The following PLCB4 variants were observed in gnomAD, a reference collection of about 807,000 sequenced individuals.
PLCB4 encodes phospholipase C beta 4, also known as 1-phosphatidylinositol 4,5-bisphosphate phosphodiesterase beta-4.
PLCB4 carries 77 observed loss-of-function variants against 178.8 expected under a neutral mutation model. That is an observed-to-expected ratio of 0.43 (90% CI 0.36 to 0.52). PLCB4 has a LOEUF of 0.52. Among genes scored for constraint, PLCB4 ranks in the 20% least tolerant of loss-of-function variants. The pLI, the probability that PLCB4 is intolerant of heterozygous loss-of-function variation, is 0.00. For missense variants in PLCB4, 1,024 were observed against 1,453.4 expected (o/e 0.70, Z 4.80); for synonymous variants, 496 against 490.8 (o/e 1.01, Z -0.14).
chr20:9,385,428 G>A (rs373637040), intron 14 of PLCB4, among the ~76,000 whole-genome samples: 217 of 151,508 alleles, frequency 1.4e-3, no homozygotes, highest in East Asian at 4.3e-3. Context: ...CCTCCCAGAC[G>A]GGGCGGCCGG....
intron 35 of PLCB4, among the ~76,000 whole-genome samples, chr20:9,465,453 G>A (rs1004825095): frequency 6.6e-6 from 1 of 152,186 alleles, no homozygotes; most frequent in Non-Finnish European, 1.5e-5. Context: ...GCAAGAGAAA[G>A]AAATAAAGGG....
At chr20:9,215,545 A>G (rs1238543276) in intron 2 of PLCB4, among the ~76,000 whole-genome samples, 2 of 152,224 alleles carry the variant, frequency 1.3e-5, no homozygotes, top group Non-Finnish European at 2.9e-5. Flanking sequence ...AAGTCAGGGT[A>G]CATGATGCTG....
chr20:9,420,941 A>G (rs1160483607), intron 26 of PLCB4, among the ~76,000 whole-genome samples: 4 of 152,208 alleles, frequency 2.6e-5, no homozygotes, highest in Non-Finnish European at 5.9e-5. Context: ...TTTCAGAGCT[A>G]TGAAGGGTCT....
intron 28 of PLCB4, among the ~76,000 whole-genome samples, chr20:9,430,635 C>G (rs2041331803): frequency 6.6e-6 from 1 of 152,202 alleles, no homozygotes; most frequent in Non-Finnish European, 1.5e-5. Context: ...CTTCAGCAGG[C>G]TCCGATTTTG....
chr20:9,431,266 G>T (rs2041373616), intron 28 of PLCB4, among the ~76,000 whole-genome samples: 2 of 151,760 alleles, frequency 1.3e-5, no homozygotes, highest in African/African-American at 4.8e-5. Context: ...GTGACTCCAT[G>T]TTCTCTCCCT....
At chr20:9,364,114 A>C (rs1214428869) in intron 8 of PLCB4, among the ~76,000 whole-genome samples, 1 of 152,182 alleles carries the variant, frequency 6.6e-6, no homozygotes, top group African/African-American at 2.4e-5. Context: ...TAGTGGAGGA[A>C]AGTTATTTAG....
chr20:9,122,762 A>G (rs564902798), intron 2 of PLCB4, among the ~76,000 whole-genome samples: 1 of 152,264 alleles, frequency 6.6e-6, no homozygotes, highest in South Asian at 2.1e-4. Flanking sequence ...TTAGCTCTAT[A>G]CTTCACTCTT....
At chr20:9,188,809 A>C (rs879341391) in intron 2 of PLCB4, among the ~76,000 whole-genome samples, 4 of 118,782 alleles carry the variant, frequency 3.4e-5, no homozygotes, top group African/African-American at 8.2e-5. Context: ...GAGGGCTGTC[A>C]TATAGTGACA....
intron 7 of PLCB4, 87 bp downstream of exon 7, chr20:9,339,124 C>A (rs2032874732): frequency 1.1e-5 from 11 of 982,740 alleles, no homozygotes; most frequent in Non-Finnish European, 1.7e-5. Context: ...TTTTTATATA[C>A]TTAAATTGTA....
At chr20:9,148,573 A>C (rs1276071686) in intron 2 of PLCB4, among the ~76,000 whole-genome samples, 2 of 151,984 alleles carry the variant, frequency 1.3e-5, no homozygotes. Flanking sequence ...AAGTCAACAG[A>C]GGACTTCTGA....
chr20:9,145,384 A>T (rs956315027), intron 2 of PLCB4, among the ~76,000 whole-genome samples: 1 of 152,176 alleles, frequency 6.6e-6, no homozygotes, highest in African/African-American at 2.4e-5. Flanking sequence ...CCACTACTGC[A>T]TCCTACTTTT....
intron 3 of PLCB4, among the ~76,000 whole-genome samples, chr20:9,287,746 A>G (rs2094547416): frequency 6.6e-6 from 1 of 152,064 alleles, no homozygotes; most frequent in Non-Finnish European, 1.5e-5. Context: ...AACCTTAATA[A>G]AATTACTTTG....
chr20:9,282,145 A>C (rs1286611390), intron 3 of PLCB4, among the ~76,000 whole-genome samples: 1 of 151,988 alleles, frequency 6.6e-6, no homozygotes, highest in Non-Finnish European at 1.5e-5. Flanking sequence ...AAATGTAGAC[A>C]CACAACTTTG....
chr20:9,476,966 G>C lies in PLCB4; in HGVS notation c.3532+213G>C, dbSNP rs887106633. On this transcript the variant is annotated intron_variant, in intron 39 of 39. Coordinates refer to ENST00000378473, the MANE Select transcript of PLCB4 (RefSeq NM_001377142.1). ...TAGAGAATTACTTCTGAGGGTATTTGAACCTGTATTTTCTATTGCAGATTT... is the reference window on the plus strand; with the variant it reads ...TAGAGAATTACTTCTGAGGGTATTTCAACCTGTATTTTCTATTGCAGATTT... Among the ~76,000 whole-genome samples, 4 of 152,218 alleles carry C rather than the reference G, an allele frequency of 2.6e-5. No homozygotes were observed. In the East Asian group the frequency reaches 7.7e-4, roughly 29 times the overall value.
Position 9,423,852 on chromosome 20 carries a change from T to C in PLCB4, c.2424T>C (p.Tyr808=). The C allele has an allele frequency of 6.2e-7, 1 of 1,613,818 alleles. No homozygotes were observed. Among genetic ancestry groups the C allele is most frequent in the Non-Finnish European group, 8.5e-7 (1 of 1,179,710 alleles). Residue 808 remains tyrosine, a synonymous_variant, in exon 28 of 40, where the codon TAT becomes TAC. Transcript: ENST00000378473. ...ILPLDGLQAG[Y]RHISLRNEGN... is the part of the protein sequence containing the mutation. ...CGCTTGATGGCCTCCAAGCCGGATA[T>C]CGACACATTTCCCTTCGAAATGAGG... is the stretch of plus-strand genomic sequence containing the variant.
intron 26 of PLCB4, among the ~76,000 whole-genome samples, chr20:9,420,970 A>G (rs1205091635): frequency 1.3e-5 from 2 of 152,226 alleles, no homozygotes; most frequent in Non-Finnish European, 2.9e-5. Context: ...ACCTGAATTC[A>G]TCACTTCATT....
chr20:9,401,580 G>GCGTCAA lies in PLCB4; in HGVS notation c.1602_1607dup (p.Val535_Lys536insAsnVal). 6.2e-7 allele frequency: 1 copy of GCGTCAA among 1,609,344 alleles called. No individual in the cohort carries two copies. The highest frequency in any genetic ancestry group is 8.5e-7 in the Non-Finnish European group (1 of 1,175,896). On this transcript the variant is annotated inframe_insertion, in exon 20 of 40. Coordinates refer to ENST00000378473, the MANE Select transcript of PLCB4 (RefSeq NM_001377142.1). ...GGTCACAAGGAAGCTGTTGCAAATAGCGTCAAGAAGGTCAGAGTCCCCTTT... is the reference window on the plus strand; with the variant it reads ...GGTCACAAGGAAGCTGTTGCAAATAGCGTCAACGTCAAGAAGGTCAGAGTCCCCTTT...
At chr20:9,164,204 A>G (rs1457900458) in intron 2 of PLCB4, among the ~76,000 whole-genome samples, 2 of 152,202 alleles carry the variant, frequency 1.3e-5, no homozygotes, top group African/African-American at 4.8e-5. Flanking sequence ...TGACTGTTTC[A>G]CTGCCTGTTT....
chr20:9,453,491 T>C (rs753060182), intron 33 of PLCB4, 29 bp downstream of exon 33: 1 of 1,280,522 alleles, frequency 7.8e-7, no homozygotes, highest in Non-Finnish European at 1.1e-6. Context: ...TTCTGAAGAC[T>C]TTCTCTATGT....
Sources: allele counts gnomAD v4.1 joint callset (sites outside exome capture counted in the v4.1 genomes callset), GRCh38; gene constraint gnomAD v4.1.1; transcripts MANE v1.5; gene names NCBI Gene and HGNC (gene_info 2026-07-23, HGNC 2026-07-21).